Variants in CHD2 observed in about 807,000 individuals in gnomAD.
CHD2 encodes chromodomain helicase DNA binding protein 2, also known as ATP-dependent chromatin remodeler CHD2.
Under a neutral mutation model 243.9 loss-of-function variants are expected in CHD2, and 28 were observed. The observed-to-expected ratio is 0.11, with a 90% CI of 0.09 to 0.16. The LOEUF (loss-of-function observed/expected upper bound fraction) is 0.16, where lower values mean the gene tolerates loss of function less well. Among genes scored for constraint, CHD2 ranks in the 10% least tolerant of loss-of-function variants. The pLI is 1.00. For synonymous variants in CHD2, 775 were observed against 779.0 expected, an observed-to-expected ratio of 0.99 and a Z score of 0.09; for missense variants, 1,386 against 2,209.8, an observed-to-expected ratio of 0.63 and a Z score of 7.47.
intron 17 of CHD2, 82 bp from the exon 18 acceptor site, chr15:92,971,683 C>T: frequency 1.6e-6 from 2 of 1,252,850 alleles, no homozygotes; most frequent in Non-Finnish European, 1.1e-6. Flanking sequence ...CACAATACTA[C>T]TACTATCTCT....
At chr15:93,000,227 C>G (rs924334572) in intron 31 of CHD2, among the ~76,000 whole-genome samples, 1 of 151,858 alleles carries the variant, frequency 6.6e-6, no homozygotes, top group African/African-American at 2.4e-5. Flanking sequence ...GATGGCACCT[C>G]TACACTCCAG....
At chr15:92,985,037 G>C (rs2054024438) in intron 25 of CHD2, among the ~76,000 whole-genome samples, 1 of 152,138 alleles carries the variant, frequency 6.6e-6, no homozygotes, top group African/African-American at 2.4e-5. Flanking sequence ...ACACAGATTT[G>C]TTCAAGGTCA....
At chr15:92,904,359 CGCCTTCGGCA>C in intron 2 of CHD2, 1 of 792,582 alleles carries the variant, frequency 1.3e-6, no homozygotes, top group Non-Finnish European at 1.5e-6. Context: ...TCAACGGCGG[CGCCTTCGGCA>C]GCCTCCGCCC....
At position 92,997,591 on chromosome 15, in the gene CHD2, G is replaced by A; in HGVS notation, c.3885+188G>A. ...CGGATGAAGATAAAGGGAAAAGACA[G>A]TAGCCAGGTGAAATTTTGGGGAAAC... On this transcript the variant is annotated intron_variant, in intron 30 of 38. Transcript: ENST00000394196. The surrounding 1 kb of genome is among the most constrained non-coding windows in gnomAD (Gnocchi z 4.1). The A allele has an allele frequency of 2.2e-6, 1 of 464,192 alleles. No individual in the cohort carries two copies. Among genetic ancestry groups the A allele is most frequent in the South Asian group, 6.3e-5 (1 of 15,848 alleles). 28.8% of individuals were successfully genotyped at this position (464,192 alleles called of 1,614,324 possible).
intron 5 of CHD2, among the ~76,000 whole-genome samples, chr15:92,937,286 A>G (rs186695316): frequency 6.6e-6 from 1 of 152,266 alleles, no homozygotes; most frequent in East Asian, 1.9e-4. Context: ...AAAAAAGTAC[A>G]TATATATCCA....
chr15:92,952,418 T>C (rs2053565129), intron 13 of CHD2, among the ~76,000 whole-genome samples: 1 of 152,164 alleles, frequency 6.6e-6, no homozygotes, highest in Admixed American at 6.5e-5. Flanking sequence ...CTATATAATG[T>C]AGAATCAGTG....
rs1044778 is a variant in CHD2 at position 93,027,556 on chromosome 15, G to C, written c.*2851G>C. Reference sequence around the variant, plus strand: ...CGCTGTGCTGCAGACATTCTGGCCTGGTGTGTCTGAAAGTTGCATCAGTCC... The same window carrying C: ...CGCTGTGCTGCAGACATTCTGGCCTCGTGTGTCTGAAAGTTGCATCAGTCC... On this transcript the variant is annotated 3_prime_UTR_variant, in exon 39 of 39. Transcript: ENST00000394196. 30,657 of 152,664 alleles carry C rather than the reference G, an allele frequency of 0.2. 3,674 individuals carry two copies. The highest frequency in any genetic ancestry group is 0.28 in the Non-Finnish European group (19,178 of 68,026). The allele number at this position is 152,664 out of a possible 1,614,324, so 9.5% of individuals were successfully genotyped here.
chr15:92,981,004 T>G, intron 23 of CHD2, 93 bp downstream of exon 23: 3 of 874,956 alleles, frequency 3.4e-6, no homozygotes, highest in Non-Finnish European at 5.6e-6. Context: ...GAGGCTTTTG[T>G]AAAGAAAAAG....
chr15:92,918,763 A>AAT (rs745513600), intron 2 of CHD2, among the ~76,000 whole-genome samples: 16 of 151,682 alleles, frequency 1.1e-4, no homozygotes, highest in South Asian at 2.1e-4. Context: ...GAATAATATG[A>AAT]ATATATATAT....
rs536717555 is a variant in CHD2 at position 92,998,706 on chromosome 15, G to A, written c.4008+85G>A. On this transcript the variant is annotated intron_variant, in intron 31 of 38. Coordinates refer to ENST00000394196, the MANE Select transcript of CHD2 (RefSeq NM_001271.4). This position sits in a 1 kb window ranked among gnomAD's most constrained non-coding sequence, Gnocchi z 5.1. Reference sequence around the variant, plus strand: ...AGGTAGGAAGAGAGAGGCCCTCTCTGAGCACTGCACAGAATGTCACCTTCT... The same window carrying A: ...AGGTAGGAAGAGAGAGGCCCTCTCTAAGCACTGCACAGAATGTCACCTTCT... 2 of 1,484,996 alleles carry A rather than the reference G, an allele frequency of 1.3e-6. No individual in the cohort carries two copies. Among genetic ancestry groups the A allele is most frequent in the Non-Finnish European group, 1.8e-6 (2 of 1,088,154 alleles). The allele number at this position is 1,484,996 out of a possible 1,614,324, so 92.0% of individuals were successfully genotyped here. A position where few individuals can be genotyped will look rare whatever the true frequency, so the allele number is the denominator to read the frequency against.
chr15:92,948,846 G>T (rs537103795), intron 12 of CHD2, 106 bp from the exon 13 acceptor site: 20 of 1,340,158 alleles, frequency 1.5e-5, no homozygotes, highest in East Asian at 2.4e-5. Flanking sequence ...CTCAAAAAAA[G>T]AAATTTGAGT....
Position 93,024,363 on chromosome 15 carries a change from C to T in CHD2, c.5154-9C>T. ...AGTCTTTCGACTAATCCTTGCATCT[C>T]TATTTCAGGCACCATCATGACTCCA... On this transcript the variant is annotated splice_polypyrimidine_tract_variant and intron_variant, in intron 38 of 38. Transcript: ENST00000394196. 4 of 1,608,548 alleles carry T rather than the reference C, an allele frequency of 2.5e-6. No individual in the cohort carries two copies. The highest frequency in any genetic ancestry group is 3.4e-6 in the Non-Finnish European group (4 of 1,176,392).
At chr15:92,974,854 G>A in intron 19 of CHD2, 25 bp from the exon 20 acceptor site, 2 of 1,610,636 alleles carry the variant, frequency 1.2e-6, no homozygotes, top group South Asian at 1.1e-5. Context: ...CTATCTTACA[G>A]TTTTCTTGTG....
At chr15:93,005,333 AG>A (rs1228052532) in intron 34 of CHD2, among the ~76,000 whole-genome samples, 12 of 152,072 alleles carry the variant, frequency 7.9e-5, no homozygotes, top group Admixed American at 7.9e-4. Flanking sequence ...AGAAGAGGGG[AG>A]GGCAAGGCGA....
chr15:92,993,831 C>T (rs1026615958), intron 28 of CHD2, among the ~76,000 whole-genome samples: 8 of 151,980 alleles, frequency 5.3e-5, no homozygotes, highest in African/African-American at 1.9e-4. Context: ...ACCTGTAATC[C>T]CAGCTACATG....
intron 14 of CHD2, among the ~76,000 whole-genome samples, chr15:92,954,860 CT>C (rs1337020857): frequency 6.6e-6 from 1 of 152,180 alleles, no homozygotes; most frequent in Admixed American, 6.5e-5. Flanking sequence ...TTCGTGCTTG[CT>C]GAGTGTCCAG....
Position 93,002,188 on chromosome 15 carries a change from G to A in CHD2, c.4149G>A (p.Leu1383=), listed in dbSNP as rs752784398. ...GTTTTGTTTCCTAGGATGATGGCTT[G>A]GAAAAAAGTCCAATGAAAAAAAAAC... is the stretch of plus-strand genomic sequence containing the variant. The part of the protein sequence containing the change: ...SEEGEVKDDG[L]EKSPMKKKQK... The change falls in exon 33 of 39, where the codon TTG becomes TTA. Residue 1383 remains leucine, a synonymous_variant. Transcript: ENST00000394196. 3.8e-6 allele frequency: 6 copies of A among 1,586,366 alleles called. No individual in the cohort carries two copies. Among genetic ancestry groups the A allele is most frequent in the Middle Eastern group, 1.7e-4 (1 of 5,918 alleles).
intron 7 of CHD2, 37 bp from the exon 8 acceptor site, chr15:92,941,785 A>G: frequency 6.2e-7 from 1 of 1,604,894 alleles, no homozygotes. Flanking sequence ...TTCTGAAGAG[A>G]TCATTTCTCA....
chr15:92,945,788 A>G, intron 10 of CHD2, 33 bp from the exon 11 acceptor site: 1 of 1,412,654 alleles, frequency 7.1e-7, no homozygotes, highest in Non-Finnish European at 9.7e-7. Context: ...CATTGTGTTT[A>G]TAACTTTTCT....
Sources: allele counts gnomAD v4.1 joint callset (sites outside exome capture counted in the v4.1 genomes callset), GRCh38; gene constraint gnomAD v4.1.1; non-coding constraint Gnocchi (gnomAD v3.1); transcripts MANE v1.5; gene names NCBI Gene and HGNC (gene_info 2026-07-23, HGNC 2026-07-21).